Variants in MYH1 observed in about 807,000 individuals in gnomAD.
The protein encoded by MYH1 is myosin heavy chain 1, also known as myosin-1.
MYH1 carries 214 observed loss-of-function variants against 225.6 expected under a neutral mutation model. The observed-to-expected ratio is 0.95, with a 90% CI of 0.85 to 1.06. The LOEUF is 1.06. Ranked by LOEUF, MYH1 falls within the 50% of genes least tolerant of loss-of-function variation. The pLI, the probability that MYH1 is intolerant of heterozygous loss-of-function variation, is 0.00. For missense variants in MYH1, 2,098 were observed against 2,344.2 expected, an observed-to-expected ratio of 0.89 and a Z score of 2.17; for synonymous variants, 774 against 842.3, an observed-to-expected ratio of 0.92 and a Z score of 1.40.
rs759316268 is a variant in MYH1 at position 10,499,030 on chromosome 17, G to T, written c.3928C>A (p.Gln1310Lys). 2 of 1,614,022 alleles carry T rather than the reference G, an allele frequency of 1.2e-6. No homozygotes were observed. Among genetic ancestry groups the T allele is most frequent in the African/African-American group, 2.7e-5 (2 of 74,910 alleles). ...TLVSQLSRGK[Q>K]AFTQQIEELK... is the part of the protein sequence containing the mutation. ...TCCTCAATCTGTTGTGTAAAGGCTTGTTTGCCCCTCGAGAGCTGTGAAACT... is the reference window on the plus strand; with the variant it reads ...TCCTCAATCTGTTGTGTAAAGGCTTTTTTGCCCCTCGAGAGCTGTGAAACT... Residue 1310 changes from glutamine to lysine, a missense_variant, in exon 29 of 40, where the codon CAA becomes AAA. Physicochemically the swap from Gln to Lys is moderately conservative, Grantham distance 53. Coordinates refer to ENST00000226207, the MANE Select transcript of MYH1 (RefSeq NM_005963.4).
chr17:10,499,781 A>G (rs2073033546), intron 28 of MYH1, among the ~76,000 whole-genome samples: 1 of 152,246 alleles, frequency 6.6e-6, no homozygotes, highest in Non-Finnish European at 1.5e-5. Context: ...GAATTATAAT[A>G]AATATTTATT....
chr17:10,515,644 T>C (rs1215419753), intron 5 of MYH1, among the ~76,000 whole-genome samples: 2 of 152,214 alleles, frequency 1.3e-5, no homozygotes, highest in Non-Finnish European at 2.9e-5. Flanking sequence ...ATTACTTAAA[T>C]ATATAAAATA....
intron 7 of MYH1, 39 bp from the exon 8 acceptor site, chr17:10,513,952 G>A (rs1254052592): frequency 1.2e-6 from 2 of 1,613,854 alleles, no homozygotes; most frequent in South Asian, 1.1e-5. Context: ...TGGGGCTTGG[G>A]AATTTCCTAC....
In MYH1 at chr17:10,492,484, C is replaced by G; in HGVS notation, c.5752G>C (p.Glu1918Gln). 1.2e-6 allele frequency: 2 copies of G among 1,614,168 alleles called. No individual in the cohort carries two copies. Among genetic ancestry groups the G allele is most frequent in the South Asian group, 2.2e-5 (2 of 91,078 alleles). Reference sequence around the variant, plus strand: ...ACCCTCAGCTTGTTGACCTGGGACTCAGCAATGTCAGCCCGTTCCTCGGCC... The same window carrying G: ...ACCCTCAGCTTGTTGACCTGGGACTGAGCAATGTCAGCCCGTTCCTCGGCC... ...EEAEERADIA[E>Q]SQVNKLRVKS... is the part of the protein sequence containing the mutation. Residue 1918 changes from glutamate (E) to glutamine (Q), a missense_variant, in exon 40 of 40, where the codon GAG (glutamate) becomes CAG (glutamine). Coordinates refer to ENST00000226207, the MANE Select transcript of MYH1 (RefSeq NM_005963.4).
In MYH1 at chr17:10,495,086, C is replaced by T; in HGVS notation, c.5311G>A (p.Glu1771Lys). 4 of 1,614,218 alleles carry T rather than the reference C, an allele frequency of 2.5e-6. No homozygotes were observed. The highest frequency in any genetic ancestry group is 3.4e-6 in the Non-Finnish European group (4 of 1,180,036). Reference protein sequence around the residue: ...KAITDAAMMAEELKKEQDTSA... With the variant: ...KAITDAAMMAKELKKEQDTSA... ...GTGTCCTGTTCCTTCTTCAGCTCCTCAGCCATCATGGCAGCCTAATTAGCA... is the reference window on the plus strand; with the variant it reads ...GTGTCCTGTTCCTTCTTCAGCTCCTTAGCCATCATGGCAGCCTAATTAGCA... The change falls in exon 37 of 40, where the codon GAG becomes AAG. Residue 1771 changes from glutamate to lysine, a missense_variant. Physicochemically the swap from Glu to Lys is moderately conservative, Grantham distance 56. Coordinates refer to ENST00000226207, the MANE Select transcript of MYH1 (RefSeq NM_005963.4).
rs140473978 is a variant in MYH1, at chr17:10,494,368, G to A, written c.5653C>T (p.Gln1885Ter). ...TGTGAACTCACCGCTTCTTCAGCTT[G>A]TCTCTTGTAGGATTTCACCTTTGCT... ...LQAKVKSYKR[Q>*]AEEAEEQSNV... Residue 1885 changes from glutamine to a stop codon, truncating the protein, a stop_gained, in exon 39 of 40, where the codon CAA (glutamine) becomes TAA (stop). Coordinates refer to ENST00000226207, the MANE Select transcript of MYH1 (RefSeq NM_005963.4). LOFTEE classifies it high-confidence loss of function. The A allele has an allele frequency of 1.9e-6, 3 of 1,613,986 alleles. No homozygotes were observed. The highest frequency in any genetic ancestry group is 1.3e-5 in the African/African-American group (1 of 74,904).
chr17:10,495,222 T>G lies in MYH1; in HGVS notation c.5265A>C (p.Ala1755=). 6.2e-7 allele frequency: 1 copy of G among 1,614,242 alleles called. No homozygotes were observed. ...MEDIIQEARN[A]EEKAKKAITD... is the part of the protein sequence containing the mutation. ...TGATGGCCTTCTTGGCCTTCTCTTC[T>G]GCATTGCGGGCTTCCTGGATGATGT... is the stretch of plus-strand genomic sequence containing the variant. The change falls in exon 36 of 40, where the codon GCA becomes GCC. Residue 1755 remains alanine (A), a synonymous_variant. Coordinates refer to ENST00000226207, the MANE Select transcript of MYH1 (RefSeq NM_005963.4).
chr17:10,507,107 A>G (rs1458792092), intron 17 of MYH1, among the ~76,000 whole-genome samples: 1 of 152,182 alleles, frequency 6.6e-6, no homozygotes, highest in African/African-American at 2.4e-5. Context: ...TCTGTCACCC[A>G]GGCTGGAGTA....
intron 12 of MYH1, 41 bp downstream of exon 12, chr17:10,512,367 T>C (rs2073179004): frequency 1.2e-6 from 2 of 1,614,092 alleles, no homozygotes; most frequent in East Asian, 4.5e-5. Flanking sequence ...CATTTTTGCC[T>C]ATATTCTCTC....
intron 30 of MYH1, among the ~76,000 whole-genome samples, chr17:10,498,184 G>A (rs2073015962): frequency 6.6e-6 from 1 of 152,214 alleles, no homozygotes; most frequent in Admixed American, 6.5e-5. Context: ...CTTCCAGGTA[G>A]CTGGTTTATT....
rs558363734 is a variant in MYH1 at position 10,507,671 on chromosome 17, C to T, written c.1968+215G>A. 3.4e-4 allele frequency among the ~76,000 whole-genome samples: 51 copies of T among 152,220 alleles called. 1 individual carries two copies. The highest frequency in any genetic ancestry group is 1.0e-3 in the African/African-American group (43 of 41,544). On this transcript the variant is annotated intron_variant, in intron 17 of 39. Transcript: ENST00000226207. ...CAATTCGCTTTCATCTCTCCTGACT[C>T]CTGTGTCTTCTGAATAGTGAGGTAT...
At chr17:10,513,562 A>G (rs1420359221) in intron 9 of MYH1, 64 bp downstream of exon 9, 2 of 1,493,960 alleles carry the variant, frequency 1.3e-6, no homozygotes, top group East Asian at 2.3e-5. Context: ...CAGGAGCTGC[A>G]AAGTGTTCCT....
intron 39 of MYH1, among the ~76,000 whole-genome samples, chr17:10,493,752 C>T (rs1405200170): frequency 6.6e-6 from 1 of 152,198 alleles, no homozygotes; most frequent in Non-Finnish European, 1.5e-5. Flanking sequence ...ATAAATTACT[C>T]TTAATTGCCT....
intron 31 of MYH1, 86 bp from the exon 32 acceptor site, chr17:10,497,538 G>A (rs1300749115): frequency 6.6e-7 from 1 of 1,519,832 alleles, no homozygotes; most frequent in African/African-American, 1.4e-5. Flanking sequence ...TCAGAGTTGA[G>A]GTGTTCTGGG....
rs201614128 is a variant in MYH1 at position 10,512,732 on chromosome 17, C to A, written c.957G>T (p.Gly319=). ...NPYDYAFVSQ[G]EITVPSIDDQ... ...CATCAATGCTGGGCACTGTGATCTC[C>A]CCTTGACTGACGAAGGCATAATCGT... The change falls in exon 11 of 40, where the codon GGG becomes GGT. Residue 319 remains glycine (G), a synonymous_variant. Transcript: ENST00000226207. 1 of 1,613,928 alleles carries A rather than the reference C, an allele frequency of 6.2e-7. No individual in the cohort carries two copies. Among genetic ancestry groups the A allele is most frequent in the Non-Finnish European group, 8.5e-7 (1 of 1,179,976 alleles).
chr17:10,497,839 C>T lies in MYH1; in HGVS notation c.4260G>A (p.Lys1420=). 2 of 1,614,114 alleles carry T rather than the reference C, an allele frequency of 1.2e-6. No homozygotes were observed. Among genetic ancestry groups the T allele is most frequent in the African/African-American group, 1.3e-5 (1 of 75,046 alleles). The change falls in exon 31 of 40, where the codon AAG becomes AAA. Residue 1420 remains lysine (K), a synonymous_variant. Coordinates refer to ENST00000226207, the MANE Select transcript of MYH1 (RefSeq NM_005963.4). Reference sequence around the variant, plus strand: ...CTTCATTCTGGAGCCTCTGCTTCGTCTTCTCAAGGGAAGCACATTTGGCAT... The same window carrying T: ...CTTCATTCTGGAGCCTCTGCTTCGTTTTCTCAAGGGAAGCACATTTGGCAT... The part of the protein sequence containing the change: ...AVNAKCASLE[K]TKQRLQNEVE...
At chr17:10,515,320 C>T (rs2142281065) in intron 5 of MYH1, among the ~76,000 whole-genome samples, 1 of 152,282 alleles carries the variant, frequency 6.6e-6, no homozygotes, top group Non-Finnish European at 1.5e-5. Flanking sequence ...GATCAGCCTT[C>T]CCCAAAGTGT....
chr17:10,500,833 G>A (rs1242773347), intron 27 of MYH1, 81 bp from the exon 28 acceptor site: 5 of 1,574,652 alleles, frequency 3.2e-6, no homozygotes, highest in South Asian at 2.3e-5. Flanking sequence ...CATTCCATAT[G>A]AGCTGCAGTA....
chr17:10,517,111 T>G (rs972165291), intron 2 of MYH1, among the ~76,000 whole-genome samples: 8 of 152,336 alleles, frequency 5.3e-5, no homozygotes, highest in African/African-American at 1.7e-4. Context: ...TATGGTATCC[T>G]TCACACCTCT....
Sources: allele counts gnomAD v4.1 joint callset (sites outside exome capture counted in the v4.1 genomes callset), GRCh38; gene constraint gnomAD v4.1.1; transcripts MANE v1.5; gene names NCBI Gene and HGNC (gene_info 2026-07-23, HGNC 2026-07-21).